The following FER1L6 variants were observed in gnomAD, a reference collection of about 807,000 sequenced individuals.
FER1L6 encodes fer-1 like family member 6.
In FER1L6, 177 loss-of-function variants were observed where a neutral mutation model predicts 219.2. The ratio of observed to expected loss-of-function variants is 0.81; its 90% CI spans 0.71 to 0.91. The LOEUF is 0.91. FER1L6 is among the 40% of genes least tolerant of loss of function. FER1L6 has a pLI of 0.00. For synonymous variants in FER1L6, 768 were observed against 824.3 expected, an observed-to-expected ratio of 0.93 and a Z score of 1.17; for missense variants, 2,153 against 2,259.9, an observed-to-expected ratio of 0.95 and a Z score of 0.96.
In FER1L6 at chr8:123,909,343, G is replaced by A. The variant is rs557187447; in HGVS notation, c.-7-46649G>A. ...TCCAAGACATTCAATACACTCCCAA[G>A]GAGTTTGGGCCTTATTCTGTGGGCA... On this transcript the variant is annotated intron_variant, in intron 1 of 40. Transcript: ENST00000522917. 2.4e-3 allele frequency among the ~76,000 whole-genome samples: 366 copies of A among 152,266 alleles called. 2 individuals carry two copies. The highest frequency in any genetic ancestry group is 4.2e-3 in the Non-Finnish European group (287 of 68,016).
Position 123,976,053 on chromosome 8 carries a change from C to T in FER1L6, c.839C>T (p.Pro280Leu), listed in dbSNP as rs1217685259. 1.9e-6 allele frequency: 3 copies of T among 1,613,482 alleles called. No individual in the cohort carries two copies. The highest frequency in any genetic ancestry group is 2.7e-5 in the African/African-American group (2 of 74,872). ...FVGDSKDLVD[P>L]FVEVSFAGQM... Reference sequence around the variant, plus strand: ...GGTGACAGTAAGGACCTGGTGGATCCCTTTGTGGAGGTCTCCTTTGCTGGG... The same window carrying T: ...GGTGACAGTAAGGACCTGGTGGATCTCTTTGTGGAGGTCTCCTTTGCTGGG... The change falls in exon 9 of 41, where the codon CCC becomes CTC. Residue 280 changes from proline (P) to leucine (L), a missense_variant. Pro to Leu is a moderately conservative substitution (Grantham distance 98). Coordinates refer to ENST00000522917, the MANE Select transcript of FER1L6 (RefSeq NM_001039112.2).
intron 13 of FER1L6, among the ~76,000 whole-genome samples, chr8:124,010,323 TA>T (rs1021876104): frequency 1.4e-4 from 21 of 152,282 alleles, no homozygotes; most frequent in African/African-American, 4.3e-4. Flanking sequence ...AAGGCCTGCC[TA>T]AAAAAATCCC....
chr8:124,008,135 T>G (rs1471572261), intron 13 of FER1L6, among the ~76,000 whole-genome samples: 2 of 152,234 alleles, frequency 1.3e-5, no homozygotes, highest in East Asian at 3.8e-4. Context: ...CACTGTATCC[T>G]TCTTATGCCT....
intron 1 of FER1L6, among the ~76,000 whole-genome samples, chr8:123,914,853 T>C (rs1813137476): frequency 6.6e-6 from 1 of 152,162 alleles, no homozygotes; most frequent in African/African-American, 2.4e-5. Flanking sequence ...TGACCACGCA[T>C]CTAAAAGAAA....
At chr8:124,050,689 C>T (rs1284230171) in intron 22 of FER1L6, among the ~76,000 whole-genome samples, 1 of 151,994 alleles carries the variant, frequency 6.6e-6, no homozygotes, top group African/African-American at 2.4e-5. Context: ...CTGGGAAGTC[C>T]AAGATCAAGG....
intron 1 of FER1L6, among the ~76,000 whole-genome samples, chr8:123,954,745 A>T (rs1814935555): frequency 6.6e-6 from 1 of 152,176 alleles, no homozygotes; most frequent in Admixed American, 6.5e-5. Flanking sequence ...GGCTGATCTT[A>T]ACCACTGCAC....
chr8:123,902,075 T>G (rs1306702281), intron 1 of FER1L6, among the ~76,000 whole-genome samples: 1 of 152,180 alleles, frequency 6.6e-6, no homozygotes, highest in Non-Finnish European at 1.5e-5. Context: ...CAGTGCTCAT[T>G]TGGGGGCAGA....
chr8:123,955,137 C>A (rs1365877921), intron 1 of FER1L6, among the ~76,000 whole-genome samples: 1 of 152,116 alleles, frequency 6.6e-6, no homozygotes. Flanking sequence ...GGCATGGTGG[C>A]AGGCCCCTGT....
intron 1 of FER1L6, among the ~76,000 whole-genome samples, chr8:123,953,855 G>A (rs928833191): frequency 6.6e-6 from 1 of 152,178 alleles, no homozygotes; most frequent in Non-Finnish European, 1.5e-5. Context: ...GAAGGTACTA[G>A]CTTTAGGTCC....
chr8:124,045,862 G>C lies in FER1L6; in HGVS notation c.2685G>C (p.Pro895=), dbSNP rs199519135. 1.2e-6 allele frequency: 2 copies of C among 1,613,978 alleles called. No individual in the cohort carries two copies. The highest frequency in any genetic ancestry group is 1.7e-6 in the Non-Finnish European group (2 of 1,179,990). ...HGDVKELAES[P]PLVVVELYDS... ...ATGTGAAGGAGCTGGCAGAGTCCCCGCCCTTAGTGGTGGTGGAGCTGTATG... is the reference window on the plus strand; with the variant it reads ...ATGTGAAGGAGCTGGCAGAGTCCCCCCCCTTAGTGGTGGTGGAGCTGTATG... Residue 895 remains proline (P), a synonymous_variant, in exon 21 of 41, where the codon CCG becomes CCC. Coordinates refer to ENST00000522917, the MANE Select transcript of FER1L6 (RefSeq NM_001039112.2).
intron 35 of FER1L6, among the ~76,000 whole-genome samples, chr8:124,096,607 G>T (rs1414693216): frequency 6.6e-6 from 1 of 152,200 alleles, no homozygotes; most frequent in Non-Finnish European, 1.5e-5. Flanking sequence ...TCTGATGTAT[G>T]GAGTTCAAGG....
chr8:124,119,844 T>G lies in FER1L6; in HGVS notation c.*54T>G, dbSNP rs993666290. ...ATATACTAATCCTCTCTTCCTTATCTGGGAGCATCTAAGAACATGTCCCAT... is the reference window on the plus strand; with the variant it reads ...ATATACTAATCCTCTCTTCCTTATCGGGGAGCATCTAAGAACATGTCCCAT... On this transcript the variant is annotated 3_prime_UTR_variant, in exon 41 of 41. Transcript: ENST00000522917. 3.8e-6 allele frequency: 6 copies of G among 1,571,190 alleles called. No individual in the cohort carries two copies. Among genetic ancestry groups the G allele is most frequent in the Non-Finnish European group, 5.2e-6 (6 of 1,154,926 alleles).
rs1239415779 is a variant in FER1L6, at chr8:123,853,620, AG to A, written c.-8+1439del. On this transcript the variant is annotated intron_variant, in intron 1 of 40. Coordinates refer to ENST00000522917, the MANE Select transcript of FER1L6 (RefSeq NM_001039112.2). The surrounding 1 kb of genome is among the most constrained non-coding windows in gnomAD (Gnocchi z 6.6). ...TACAAGGGTGGATGAGTAGAGAAAA[AG>A]GGGTAGGTACGCCTCACCACGGGCA... Among the ~76,000 whole-genome samples the A allele has an allele frequency of 6.6e-6, 1 of 152,142 alleles. No homozygotes were observed. The highest frequency in any genetic ancestry group is 1.9e-4 in the East Asian group (1 of 5,176).
At position 124,111,134 on chromosome 8, in the gene FER1L6, A is replaced by C. The variant is rs547860283; in HGVS notation, c.5290-7710A>C. Among the ~76,000 whole-genome samples the C allele has an allele frequency of 6.6e-6, 1 of 152,378 alleles. No individual in the cohort carries two copies. Among genetic ancestry groups the C allele is most frequent in the African/African-American group, 2.4e-5 (1 of 41,590 alleles). On this transcript the variant is annotated intron_variant, in intron 39 of 40. Coordinates refer to ENST00000522917, the MANE Select transcript of FER1L6 (RefSeq NM_001039112.2). The surrounding 1 kb of genome is among the most constrained non-coding windows in gnomAD (Gnocchi z 5.0). ...TTTCAAAACAATTTATATACGTTAC[A>C]GAGAGAAGAGAAAGTACTTACAACT...
chr8:123,881,381 ATGGGC>A (rs1817106516), intron 1 of FER1L6, among the ~76,000 whole-genome samples: 1 of 152,182 alleles, frequency 6.6e-6, no homozygotes, highest in African/African-American at 2.4e-5. Context: ...ATGGCAAATA[ATGGGC>A]ACATTTTCTC....
At chr8:123,890,528 C>A (rs1198929282) in intron 1 of FER1L6, among the ~76,000 whole-genome samples, 2 of 151,390 alleles carry the variant, frequency 1.3e-5, no homozygotes, top group Non-Finnish European at 3.0e-5. Context: ...CTATGCATTT[C>A]CAACAAGTTA....
Position 124,035,341 on chromosome 8 carries a change from G to C in FER1L6, c.2351G>C (p.Gly784Ala). 3 of 1,614,094 alleles carry C rather than the reference G, an allele frequency of 1.9e-6. No homozygotes were observed. Among genetic ancestry groups the C allele is most frequent in the Non-Finnish European group, 2.5e-6 (3 of 1,179,984 alleles). ...QAKVDVYLWL[G>A]SIKHASAILD... is the part of the protein sequence containing the mutation. ...AAAGTCGACGTGTACCTGTGGCTGG[G>C]CTCCATCAAGCATGCCAGTGCCATT... The change falls in exon 19 of 41, where the codon GGC becomes GCC. Residue 784 changes from glycine (G) to alanine (A), a missense_variant. Coordinates refer to ENST00000522917, the MANE Select transcript of FER1L6 (RefSeq NM_001039112.2).
In FER1L6 at chr8:124,004,770, G is replaced by A. The variant is rs563804263; in HGVS notation, c.1700+1423G>A. On this transcript the variant is annotated intron_variant, in intron 13 of 40. Coordinates refer to ENST00000522917, the MANE Select transcript of FER1L6 (RefSeq NM_001039112.2). ...TCCCAGCACTTTGGGAGGCCGAGGC[G>A]GGTGGATCGCGAGGTCAGGAGTTCA... Among the ~76,000 whole-genome samples the A allele has an allele frequency of 5.9e-5, 9 of 152,166 alleles. No individual in the cohort carries two copies. The East Asian group carries it at 1.5e-3, about 26-fold the overall frequency.
At chr8:123,936,271 G>A (rs188400919) in intron 1 of FER1L6, among the ~76,000 whole-genome samples, 38 of 152,284 alleles carry the variant, frequency 2.5e-4, no homozygotes, top group Non-Finnish European at 4.6e-4. Flanking sequence ...TTGCTCAGGG[G>A]ACAAGTTCAA....
Sources: allele counts gnomAD v4.1 joint callset (sites outside exome capture counted in the v4.1 genomes callset), GRCh38; gene constraint gnomAD v4.1.1; non-coding constraint Gnocchi (gnomAD v3.1); transcripts MANE v1.5; gene names NCBI Gene and HGNC (gene_info 2026-07-23, HGNC 2026-07-21).